CCT7: variants seen among roughly 807,000 people sequenced by gnomAD.
CCT7 encodes T-complex protein 1 subunit eta.
A neutral mutation model predicts 56.6 loss-of-function variants in CCT7; 16 were observed. The observed-to-expected ratio is 0.28, with a 90% CI of 0.19 to 0.43. The LOEUF is 0.43. CCT7 is among the 20% of genes least tolerant of loss of function. The pLI is 1.00. For synonymous variants in CCT7, 262 were observed against 254.8 expected (o/e 1.03, Z -0.27); for missense variants, 519 against 685.6 (o/e 0.76, Z 2.71).
At chr2:73,248,969 A>T (rs373926329) in intron 7 of CCT7, 22 bp from the exon 8 acceptor site, 2 of 1,600,664 alleles carry the variant, frequency 1.2e-6, no homozygotes, top group Admixed American at 1.7e-5. Flanking sequence ...AAGCATTCTC[A>T]TCCTTTTCTG....
intron 7 of CCT7, among the ~76,000 whole-genome samples, chr2:73,248,255 C>G (rs1034578751): frequency 6.6e-6 from 1 of 152,150 alleles, no homozygotes; most frequent in Non-Finnish European, 1.5e-5. Context: ...AGACCTAGTG[C>G]TGCAGAGACA....
chr2:73,243,306 T>A, intron 4 of CCT7, 177 bp downstream of exon 4: 2 of 661,470 alleles, frequency 3.0e-6, no homozygotes, highest in Non-Finnish European at 2.6e-6. Flanking sequence ...TGAGGTGTAT[T>A]ACTTAATCTC....
chr2:73,239,025 G>A (rs569611127), intron 1 of CCT7: 1 of 152,384 alleles, frequency 6.6e-6, no homozygotes, highest in South Asian at 2.1e-4. Flanking sequence ...CATGAGAGAT[G>A]GAAACATTGC....
chr2:73,246,529 A>G (rs748740301), intron 6 of CCT7, among the ~76,000 whole-genome samples: 73 of 152,098 alleles, frequency 4.8e-4, no homozygotes, highest in Admixed American at 4.6e-3. Context: ...CTTATTTACT[A>G]TTTGCAGGGT....
Position 73,234,324 on chromosome 2 carries a change from C to A in CCT7, c.-55C>A. 6.2e-7 allele frequency: 1 copy of A among 1,611,296 alleles called. No homozygotes were observed. The highest frequency in any genetic ancestry group is 1.1e-5 in the South Asian group (1 of 91,040). On this transcript the variant is annotated 5_prime_UTR_variant, in exon 1 of 12. Coordinates refer to ENST00000258091, the MANE Select transcript of CCT7 (RefSeq NM_006429.4). ...GCGCGAGGCATTGTGGGTTGCTGGGCGGCCCGGTCTCGGAGAAGAGGGGAG... is the reference window on the plus strand; with the variant it reads ...GCGCGAGGCATTGTGGGTTGCTGGGAGGCCCGGTCTCGGAGAAGAGGGGAG...
intron 6 of CCT7, among the ~76,000 whole-genome samples, chr2:73,246,673 G>A (rs143412890): frequency 6.6e-4 from 98 of 149,118 alleles, no homozygotes; most frequent in Middle Eastern, 3.4e-3. Context: ...TTCTTCACTG[G>A]CTGGTTCTTA....
chr2:73,251,460 G>GT, intron 11 of CCT7, 28 bp downstream of exon 11: 3 of 1,444,914 alleles, frequency 2.1e-6, no homozygotes, highest in Non-Finnish European at 2.9e-6. Context: ...CCAGGGTTCA[G>GT]GGTTTGGGCG....
At chr2:73,249,383 G>C (rs1687477226) in intron 8 of CCT7, among the ~76,000 whole-genome samples, 1 of 151,944 alleles carries the variant, frequency 6.6e-6, no homozygotes. Context: ...ACCAAAACAA[G>C]TCCAGAAATC....
At chr2:73,244,260 C>T in intron 5 of CCT7, 1 of 622,824 alleles carries the variant, frequency 1.6e-6, no homozygotes, top group Non-Finnish European at 2.8e-6. Flanking sequence ...TGCTGCAATC[C>T]CTCTATGTGC....
intron 3 of CCT7, among the ~76,000 whole-genome samples, chr2:73,242,793 T>C (rs1474521564): frequency 1.3e-5 from 2 of 152,212 alleles, no homozygotes; most frequent in Non-Finnish European, 2.9e-5. Flanking sequence ...TCTGGGGAAT[T>C]AATTTGGTAG....
chr2:73,248,530 T>G (rs1298094649), intron 7 of CCT7, among the ~76,000 whole-genome samples: 1 of 152,004 alleles, frequency 6.6e-6, no homozygotes. Context: ...TTTTTTTGTA[T>G]TTTTAGTAGA....
At position 73,250,343 on chromosome 2, in the gene CCT7, T is replaced by A. The variant is rs1206125248; in HGVS notation, c.1108T>A (p.Cys370Ser). The A allele has an allele frequency of 6.2e-7, 1 of 1,614,114 alleles. No homozygotes were observed. Among genetic ancestry groups the A allele is most frequent in the Non-Finnish European group, 8.5e-7 (1 of 1,180,010 alleles). The change falls in exon 10 of 12, where the codon TGC (cysteine) becomes AGC (serine). Residue 370 changes from cysteine to serine, a missense_variant. Coordinates refer to ENST00000258091, the MANE Select transcript of CCT7 (RefSeq NM_006429.4). ...TACTGGCTGCCCCAAGGCCAAGACATGCACCTTCATTCTCCGTGGCGGCGC... is the reference window on the plus strand; with the variant it reads ...TACTGGCTGCCCCAAGGCCAAGACAAGCACCTTCATTCTCCGTGGCGGCGC... ...FFTGCPKAKT[C>S]TFILRGGAEQ...
chr2:73,235,536 C>T (rs1014041628), intron 1 of CCT7: 6 of 1,001,738 alleles, frequency 6.0e-6, no homozygotes, highest in Non-Finnish European at 6.0e-6. Flanking sequence ...TTCCTCTCCC[C>T]TTTATGTCTC....
chr2:73,235,228 C>G (rs1284138620), intron 1 of CCT7, among the ~76,000 whole-genome samples: 1 of 152,198 alleles, frequency 6.6e-6, no homozygotes, highest in Admixed American at 6.5e-5. Context: ...TTTTCTCTGT[C>G]TCTCGGAGCT....
intron 1 of CCT7, among the ~76,000 whole-genome samples, chr2:73,235,015 TCAGC>T (rs946942107): frequency 2.6e-5 from 4 of 152,186 alleles, no homozygotes; most frequent in Non-Finnish European, 4.4e-5. Context: ...TTGCAGCCTC[TCAGC>T]CAGGAGAACG....
chr2:73,247,494 T>C (rs1179318840), intron 6 of CCT7, among the ~76,000 whole-genome samples: 1 of 152,026 alleles, frequency 6.6e-6, no homozygotes, highest in African/African-American at 2.4e-5. Flanking sequence ...GACAGCCCAG[T>C]AGGCCTTTAC....
chr2:73,252,666 C>G lies in CCT7; in HGVS notation c.1437C>G (p.Ile479Met). The G allele has an allele frequency of 6.2e-7, 1 of 1,614,062 alleles. No individual in the cohort carries two copies. Among genetic ancestry groups the G allele is most frequent in the Non-Finnish European group, 8.5e-7 (1 of 1,179,948 alleles). ...AQGGTWYGVD[I>M]NNEDIADNFE... is the part of the protein sequence containing the mutation. ...GGGGTACATGGTATGGAGTAGACATCAACAACGAGGACATTGCTGACAACT... is the reference window on the plus strand; with the variant it reads ...GGGGTACATGGTATGGAGTAGACATGAACAACGAGGACATTGCTGACAACT... The change falls in exon 12 of 12, where the codon ATC (isoleucine) becomes ATG (methionine). Residue 479 changes from isoleucine (I) to methionine (M), a missense_variant. By Grantham distance (10) the Ile-to-Met change is conservative (BLOSUM62 1). Around this residue, in one of 3 missense-constraint regions of CCT7, gnomAD observed 237 missense variants for 300.8 expected, o/e 0.79. Coordinates refer to ENST00000258091, the MANE Select transcript of CCT7 (RefSeq NM_006429.4).
Position 73,249,864 on chromosome 2 carries a change from G to T in CCT7, c.1018G>T (p.Asp340Tyr). ...GACCAGTGTGAATGCTCTGTCAGCA[G>T]ATGTGCTGGGTCGATGCCAGGTGTT... The part of the protein sequence containing the change: ...IQTSVNALSA[D>Y]VLGRCQVFEE... The change falls in exon 9 of 12, where the codon GAT becomes TAT. Residue 340 changes from aspartate to tyrosine, a missense_variant. Coordinates refer to ENST00000258091, the MANE Select transcript of CCT7 (RefSeq NM_006429.4). The T allele has an allele frequency of 6.2e-7, 1 of 1,614,104 alleles. No homozygotes were observed. Among genetic ancestry groups the T allele is most frequent in the Non-Finnish European group, 8.5e-7 (1 of 1,179,922 alleles).
chr2:73,247,335 A>C (rs1327501638), intron 6 of CCT7, among the ~76,000 whole-genome samples: 1 of 152,016 alleles, frequency 6.6e-6, no homozygotes, highest in Non-Finnish European at 1.5e-5. Context: ...AGGATACTTG[A>C]GATTTGGGAG....
Sources: allele counts gnomAD v4.1 joint callset (sites outside exome capture counted in the v4.1 genomes callset), GRCh38; gene constraint gnomAD v4.1.1; regional missense constraint gnomAD v4.1.1; transcripts MANE v1.5; gene names NCBI Gene and HGNC (gene_info 2026-07-23, HGNC 2026-07-21).